The following HAVCR2 variants were observed in gnomAD, a reference collection of about 807,000 sequenced individuals.
HAVCR2 encodes T cell immunoglobulin mucin 3.
In HAVCR2, 13 loss-of-function variants were observed where a neutral mutation model predicts 24.7. That is an observed-to-expected ratio of 0.53 (90% CI 0.34 to 0.84). The LOEUF is 0.84. Ranked by LOEUF, HAVCR2 falls within the 40% of genes least tolerant of loss-of-function variation. HAVCR2 has a pLI of 0.01. For missense variants in HAVCR2, 343 were observed against 371.2 expected, an observed-to-expected ratio of 0.92 and a Z score of 0.62; for synonymous variants, 154 against 143.4, an observed-to-expected ratio of 1.07 and a Z score of -0.53.
intron 5 of HAVCR2, among the ~76,000 whole-genome samples, chr5:157,092,210 T>C (rs1757014423): frequency 6.6e-6 from 1 of 150,570 alleles, no homozygotes; most frequent in African/African-American, 2.4e-5. Flanking sequence ...TATATAATAG[T>C]AAAGCTCAAA....
intron 5 of HAVCR2, among the ~76,000 whole-genome samples, chr5:157,091,133 A>G (rs761168822): frequency 6.6e-6 from 1 of 152,214 alleles, no homozygotes; most frequent in Non-Finnish European, 1.5e-5. Flanking sequence ...TCAATTTAAA[A>G]GGTTGACTAT....
At chr5:157,099,380 C>T (rs1016066517) in intron 3 of HAVCR2, among the ~76,000 whole-genome samples, 3 of 150,958 alleles carry the variant, frequency 2.0e-5, no homozygotes, top group African/African-American at 7.3e-5. Context: ...CCTCATCCTC[C>T]CAAGTAGCTG....
chr5:157,106,422 G>A (rs1318999414), intron 2 of HAVCR2: 10 of 572,908 alleles, frequency 1.7e-5, no homozygotes, highest in East Asian at 5.9e-5. Flanking sequence ...GAGCCACCAC[G>A]CCCAGGCACA....
Position 157,090,122 on chromosome 5 carries a change from C to CTTTTTTTTTTTTTT in HAVCR2, c.677-1159_677-1146dup, listed in dbSNP as rs869177923. On this transcript the variant is annotated intron_variant, in intron 5 of 6. Transcript: ENST00000307851. The stretch of plus-strand genomic sequence containing the variant: ...TTAAAATTTTCCTTTCTTTTCTTTT[C>CTTTTTTTTTTTTTT]TTTTTTTTTTTTTTTTTTTTTTTTT... Among the ~76,000 whole-genome samples the CTTTTTTTTTTTTTT allele has an allele frequency of 2.9e-3, 189 of 65,548 alleles. 2 individuals are homozygous for CTTTTTTTTTTTTTT. Among genetic ancestry groups the CTTTTTTTTTTTTTT allele is most frequent in the East Asian group, 4.1e-3 (8 of 1,972 alleles). The allele number at this position is 65,548 out of a possible 152,430, so 43.0% of individuals were successfully genotyped here. A position where few individuals can be genotyped will look rare whatever the true frequency, so the allele number is the denominator to read the frequency against.
chr5:157,099,032 G>A (rs566696134), intron 3 of HAVCR2, 131 bp from the exon 4 acceptor site: 17 of 772,136 alleles, frequency 2.2e-5, no homozygotes, highest in East Asian at 8.6e-5. Context: ...ATTCTACTCC[G>A]TACTTGTCAC....
intron 2 of HAVCR2, chr5:157,104,976 C>A (rs192327866): frequency 1.1e-5 from 3 of 277,368 alleles, no homozygotes; most frequent in Admixed American, 1.0e-4. Flanking sequence ...TTATTAATAG[C>A]GGAACTAACA....
chr5:157,107,426 A>C (rs759672036), intron 1 of HAVCR2: 36 of 157,566 alleles, frequency 2.3e-4, no homozygotes, highest in Non-Finnish European at 4.3e-4. Context: ...CAACAAAGGG[A>C]GGCTCTCCTA....
Position 157,095,446 on chromosome 5 carries a change from A to G in HAVCR2, c.536T>C (p.Leu179Ser). ...TCTAGAGTCCCGTAACTCATTGGCC[A>G]ATGTGGATATTTGCTATGGAAACAC... is the stretch of plus-strand genomic sequence containing the variant. Reference protein sequence around the residue: ...PDINLTQISTLANELRDSRLA... With the variant: ...PDINLTQISTSANELRDSRLA... The change falls in exon 5 of 7, where the codon TTG becomes TCG. Residue 179 changes from leucine (L) to serine (S), a missense_variant. Coordinates refer to ENST00000307851, the MANE Select transcript of HAVCR2 (RefSeq NM_032782.5). The G allele has an allele frequency of 1.2e-6, 2 of 1,614,070 alleles. No individual in the cohort carries two copies. Among genetic ancestry groups the G allele is most frequent in the Non-Finnish European group, 1.7e-6 (2 of 1,180,002 alleles).
chr5:157,092,307 T>A (rs901403850), intron 5 of HAVCR2, among the ~76,000 whole-genome samples: 1 of 151,944 alleles, frequency 6.6e-6, no homozygotes, highest in Non-Finnish European at 1.5e-5. Flanking sequence ...TTGGAAATAC[T>A]CAAGTGAGGC....
At chr5:157,101,934 C>A (rs890850975) in intron 3 of HAVCR2, among the ~76,000 whole-genome samples, 1 of 150,222 alleles carries the variant, frequency 6.7e-6, no homozygotes, top group Admixed American at 6.7e-5. Flanking sequence ...TGCCACCATG[C>A]CCGGCTATTT....
At chr5:157,104,861 T>A in intron 2 of HAVCR2, 112 bp from the exon 3 acceptor site, 1 of 661,270 alleles carries the variant, frequency 1.5e-6, no homozygotes, top group Non-Finnish European at 2.7e-6. Context: ...GAAAGAGAAA[T>A]ACACCCTCAG....
Position 157,095,397 on chromosome 5 carries a change from A to G in HAVCR2, c.585T>C (p.Ser195=). The G allele has an allele frequency of 1.2e-6, 2 of 1,614,154 alleles. No individual in the cohort carries two copies. The highest frequency in any genetic ancestry group is 1.7e-6 in the Non-Finnish European group (2 of 1,180,012). The change falls in exon 5 of 7, where the codon TCT becomes TCC. Residue 195 remains serine, a synonymous_variant. Transcript: ENST00000307851. ...DSRLANDLRD[S]GATIRIGIYI... is the part of the protein sequence containing the mutation. ...AGATGCCTATTCTGATGGTTGCTCC[A>G]GAGTCCCGTAAGTCATTGGCCAATC...
intron 2 of HAVCR2, chr5:157,106,423 C>A: frequency 1.7e-6 from 1 of 576,964 alleles, no homozygotes; most frequent in Non-Finnish European, 3.1e-6. Flanking sequence ...AGCCACCACG[C>A]CCAGGCACAC....
At chr5:157,094,393 CTTT>C (rs76873228) in intron 5 of HAVCR2, among the ~76,000 whole-genome samples, 4 of 147,198 alleles carry the variant, frequency 2.7e-5, no homozygotes, top group Non-Finnish European at 4.5e-5. Context: ...TATTTTATTA[CTTT>C]TTTTTTTAAG....
At chr5:157,093,541 C>T (rs1460941497) in intron 5 of HAVCR2, among the ~76,000 whole-genome samples, 1 of 152,184 alleles carries the variant, frequency 6.6e-6, no homozygotes, top group Non-Finnish European at 1.5e-5. Flanking sequence ...TCACTCTACA[C>T]ACACAGTCCC....
chr5:157,100,815 G>A (rs113557465), intron 3 of HAVCR2, among the ~76,000 whole-genome samples: 3 of 152,244 alleles, frequency 2.0e-5, no homozygotes, highest in African/African-American at 7.2e-5. Context: ...AAAAACCACA[G>A]GCCTGGTGCA....
intron 4 of HAVCR2, among the ~76,000 whole-genome samples, chr5:157,096,070 A>G (rs1039023361): frequency 4.6e-5 from 7 of 151,948 alleles, no homozygotes; most frequent in Admixed American, 2.6e-4. Context: ...TACTAAAAAT[A>G]CAAAACTTAG....
In HAVCR2 at chr5:157,109,009, G is replaced by A. The variant is rs1252586439; in HGVS notation, c.-26C>T. The A allele has an allele frequency of 6.2e-7, 1 of 1,611,458 alleles. No individual in the cohort carries two copies. Among genetic ancestry groups the A allele is most frequent in the Non-Finnish European group, 8.5e-7 (1 of 1,177,614 alleles). On this transcript the variant is annotated 5_prime_UTR_variant, in exon 1 of 7. Coordinates refer to ENST00000307851, the MANE Select transcript of HAVCR2 (RefSeq NM_032782.5). The stretch of plus-strand genomic sequence containing the variant: ...GGAGCTTGCAGAAGAAAAGTCAGAG[G>A]ACACCTCTGTTAGGCACAGTTTTAA...
At chr5:157,093,900 G>A (rs907346309) in intron 5 of HAVCR2, among the ~76,000 whole-genome samples, 2 of 152,126 alleles carry the variant, frequency 1.3e-5, no homozygotes, top group South Asian at 4.1e-4. Context: ...AGCTGAGATC[G>A]TGCCACTGCA....
Sources: allele counts gnomAD v4.1 joint callset (sites outside exome capture counted in the v4.1 genomes callset), GRCh38; gene constraint gnomAD v4.1.1; transcripts MANE v1.5; gene names NCBI Gene and HGNC (gene_info 2026-07-23, HGNC 2026-07-21).